Variants in DNAH9 observed in about 807,000 individuals in gnomAD.
The protein encoded by DNAH9 is dynein axonemal heavy chain 9.
A neutral mutation model predicts 471.6 loss-of-function variants in DNAH9; 345 were observed. That is an observed-to-expected ratio of 0.73 (90% CI 0.67 to 0.80). DNAH9 has a LOEUF of 0.80. DNAH9 is among the 30% of genes least tolerant of loss of function. The probability of loss-of-function intolerance (pLI) is 0.00; values close to 1 mark genes in which losing one functional copy is unlikely to be tolerated. For synonymous variants in DNAH9, 2,093 were observed against 2,123.6 expected, an observed-to-expected ratio of 0.99 and a Z score of 0.40; for missense variants, 5,407 against 5,609.2, an observed-to-expected ratio of 0.96 and a Z score of 1.15.
At chr17:11,812,620 G>A (rs1345904857) in intron 45 of DNAH9, among the ~76,000 whole-genome samples, 3 of 152,068 alleles carry the variant, frequency 2.0e-5, no homozygotes, top group Non-Finnish European at 4.4e-5. Context: ...TCTTTCAGGT[G>A]AGATCGATGT....
At chr17:11,819,278 T>C (rs1202596102) in intron 45 of DNAH9, among the ~76,000 whole-genome samples, 2 of 152,228 alleles carry the variant, frequency 1.3e-5, no homozygotes, top group Non-Finnish European at 2.9e-5. Flanking sequence ...TGATGAGGTA[T>C]CACCGCTTTC....
intron 66 of DNAH9, among the ~76,000 whole-genome samples, chr17:11,941,930 CAT>C (rs1215755872): frequency 6.6e-6 from 1 of 152,242 alleles, no homozygotes; most frequent in East Asian, 1.9e-4. Flanking sequence ...TTCAGCTTCA[CAT>C]GGCCCACAGG....
intron 50 of DNAH9, among the ~76,000 whole-genome samples, chr17:11,856,655 A>G (rs759338702): frequency 2.0e-5 from 3 of 152,034 alleles, no homozygotes; most frequent in Non-Finnish European, 4.4e-5. Context: ...GCAGTAAGCC[A>G]AGATCAGGCC....
chr17:11,969,225 T>G, intron 68 of DNAH9, 75 bp from the exon 69 acceptor site: 1 of 1,336,602 alleles, frequency 7.5e-7, no homozygotes, highest in Non-Finnish European at 1.0e-6. Flanking sequence ...CCCTTGGATC[T>G]GCTGACAAGA....
intron 57 of DNAH9, among the ~76,000 whole-genome samples, chr17:11,887,380 A>G (rs1377774612): frequency 6.6e-6 from 1 of 152,244 alleles, no homozygotes; most frequent in Non-Finnish European, 1.5e-5. Context: ...ATAATAATAC[A>G]CCAACTTTAA....
rs559742239 is a variant in DNAH9 at position 11,768,327 on chromosome 17, G to T, written c.7171-126G>T. 19 of 972,730 alleles carry T rather than the reference G, an allele frequency of 2.0e-5. No homozygotes were observed. The East Asian group carries it at 4.1e-4, about 21-fold the overall frequency. The allele number at this position is 972,730 out of a possible 1,614,324, so 60.3% of individuals were successfully genotyped here. A position where few individuals can be genotyped will look rare whatever the true frequency, so the allele number is the denominator to read the frequency against. On this transcript the variant is annotated intron_variant, in intron 36 of 68. Coordinates refer to ENST00000262442, the MANE Select transcript of DNAH9 (RefSeq NM_001372.4). ...CTGCCTTCCTGGAGGAGCTGGTCTA[G>T]CCGGCAGGCCCACACAGGGAGGAGC...
intron 61 of DNAH9, among the ~76,000 whole-genome samples, chr17:11,912,922 C>T (rs1414189022): frequency 3.9e-5 from 6 of 152,054 alleles, no homozygotes; most frequent in Admixed American, 2.6e-4. Context: ...AATCCTAGCA[C>T]TTTGGGAGGC....
chr17:11,807,798 C>T lies in DNAH9; in HGVS notation c.8487C>T (p.Ser2829=), dbSNP rs567270232. The stretch of plus-strand genomic sequence containing the variant: ...CTCTGCTGGTTGGTGTAGGTGGGAG[C>T]GGCAAGCAGAGCCTGACAAGGCTGG... ...GNALLVGVGG[S]GKQSLTRLAA... is the part of the protein sequence containing the mutation. Residue 2829 remains serine (S), a synonymous_variant, in exon 44 of 69, where the codon AGC becomes AGT. Transcript: ENST00000262442. The T allele has an allele frequency of 1.0e-4, 166 of 1,614,012 alleles. 1 individual carries two copies. The South Asian group carries it at 1.3e-3, about 13-fold the overall frequency.
At chr17:11,959,105 AAAAAC>A (rs772844891) in intron 67 of DNAH9, among the ~76,000 whole-genome samples, 1 of 152,232 alleles carries the variant, frequency 6.6e-6, no homozygotes, top group Admixed American at 6.5e-5. Flanking sequence ...ATATCAAAAA[AAAAAC>A]AGAAATCAAA....
At chr17:11,642,221 C>G (rs1196963829) in intron 10 of DNAH9, among the ~76,000 whole-genome samples, 1 of 152,086 alleles carries the variant, frequency 6.6e-6, no homozygotes, top group Non-Finnish European at 1.5e-5. Context: ...TGAAAACTCC[C>G]CCTTGTTTTA....
At chr17:11,701,303 C>T in intron 24 of DNAH9, 56 bp downstream of exon 24, 1 of 1,578,654 alleles carries the variant, frequency 6.3e-7, no homozygotes, top group East Asian at 2.2e-5. Flanking sequence ...TCCTCCGCAG[C>T]CTCCCCCAGC....
At chr17:11,613,511 A>G (rs917921203) in intron 4 of DNAH9, among the ~76,000 whole-genome samples, 3 of 152,162 alleles carry the variant, frequency 2.0e-5, no homozygotes, top group Admixed American at 6.5e-5. Flanking sequence ...AGGCTGAGGC[A>G]GAAGAATCAC....
At chr17:11,734,294 A>G (rs1304019380) in intron 28 of DNAH9, among the ~76,000 whole-genome samples, 1 of 152,226 alleles carries the variant, frequency 6.6e-6, no homozygotes, top group East Asian at 1.9e-4. Flanking sequence ...TGGCACAGTC[A>G]TCTCAACCCT....
intron 35 of DNAH9, among the ~76,000 whole-genome samples, chr17:11,762,514 C>T (rs1044779458): frequency 2.0e-5 from 3 of 152,072 alleles, no homozygotes; most frequent in African/African-American, 7.2e-5. Flanking sequence ...GCCTCTAAAG[C>T]CAAGATTAAA....
chr17:11,694,644 TTCTC>T (rs199691654), intron 22 of DNAH9, among the ~76,000 whole-genome samples, 197 bp downstream of exon 22: 17 of 1,180 alleles, frequency 0.014, 1 homozygote, highest in Admixed American at 0.034. Context: ...CTTTCTTGCT[TTCTC>T]GCTTTCTCGC....
intron 14 of DNAH9, among the ~76,000 whole-genome samples, chr17:11,663,373 T>A (rs2073810148): frequency 6.6e-6 from 1 of 152,212 alleles, no homozygotes; most frequent in Admixed American, 6.5e-5. Flanking sequence ...GCAGGGATGC[T>A]GTAACTAAGC....
rs58858034 is a variant in DNAH9, at chr17:11,730,942, GTGATGA to G, written c.5814+3029_5814+3034del. 4.5e-4 allele frequency among the ~76,000 whole-genome samples: 67 copies of G among 149,696 alleles called. 2 individuals are homozygous for G. In the East Asian group the frequency reaches 4.9e-3, roughly 11 times the overall value. ...GATGATGGTGGTGGTGGTGATGACG[GTGATGA>G]TGATGATGGTGGTGGTGATGATGGT... On this transcript the variant is annotated intron_variant, in intron 28 of 68. Transcript: ENST00000262442.
intron 38 of DNAH9, among the ~76,000 whole-genome samples, chr17:11,771,380 C>T (rs984835028): frequency 1.8e-4 from 28 of 152,128 alleles, no homozygotes; most frequent in African/African-American, 6.5e-4. Flanking sequence ...CCACCTGCCT[C>T]GGCCTCCCAA....
intron 68 of DNAH9, among the ~76,000 whole-genome samples, chr17:11,966,875 A>G (rs1352814120): frequency 1.3e-5 from 2 of 151,830 alleles, no homozygotes; most frequent in East Asian, 4.0e-4. Context: ...AGCCTGGCCC[A>G]TATGGCAAAA....
Sources: gnomAD v4.1 joint callset for allele counts (sites outside exome capture counted in the v4.1 genomes callset) on GRCh38, gnomAD v4.1.1 for gene constraint, MANE v1.5 for transcripts, NCBI Gene and HGNC (gene_info 2026-07-23, HGNC 2026-07-21) for gene names.